Variants in CCDC126 observed in about 807,000 individuals in gnomAD.
The protein encoded by CCDC126 is coiled-coil domain-containing protein 126.
Under a neutral mutation model 11.7 loss-of-function variants are expected in CCDC126, and 5 were observed. The observed-to-expected ratio is 0.43, with a 90% CI of 0.22 to 0.90. CCDC126 has a LOEUF of 0.90. Among genes scored for constraint, CCDC126 ranks in the 40% least tolerant of loss-of-function variants. The probability of loss-of-function intolerance (pLI) is 0.27; values close to 1 mark genes in which losing one functional copy is unlikely to be tolerated. For missense variants in CCDC126, 150 were observed against 163.1 expected, an observed-to-expected ratio of 0.92 and a Z score of 0.44; for synonymous variants, 60 against 61.9, an observed-to-expected ratio of 0.97 and a Z score of 0.14.
chr7:23,599,291 G>A (rs1297463591), intron 2 of CCDC126, among the ~76,000 whole-genome samples: 1 of 152,038 alleles, frequency 6.6e-6, no homozygotes, highest in African/African-American at 2.4e-5. Flanking sequence ...TTATTTTCAT[G>A]ACTTCTCCTT....
At chr7:23,603,970 A>G (rs1169077186) in intron 2 of CCDC126, 1 of 152,228 alleles carries the variant, frequency 6.6e-6, no homozygotes, top group Non-Finnish European at 1.5e-5. Context: ...GGTATGAAGT[A>G]ACATGCTGTG....
At chr7:23,642,778 T>A (rs1434015217) in intron 3 of CCDC126, among the ~76,000 whole-genome samples, 153 bp from the exon 4 acceptor site, 1 of 151,044 alleles carries the variant, frequency 6.6e-6, no homozygotes, top group East Asian at 1.9e-4. Context: ...AAAAAAAAAA[T>A]TAGGCTTTTC....
rs1783426773 is a variant in CCDC126, at chr7:23,644,558, C to T, written c.*1443C>T. 1 of 152,508 alleles carries T rather than the reference C, an allele frequency of 6.6e-6. No homozygotes were observed. The highest frequency in any genetic ancestry group is 6.5e-5 in the Admixed American group (1 of 15,270). The allele number at this position is 152,508 out of a possible 1,614,324, so 9.4% of individuals were successfully genotyped here. ...GATTTCCAAATCTCTCTTCTCTTCT[C>T]TGTACTGTCTACCTTTATGTGAAGA... is the stretch of plus-strand genomic sequence containing the variant. On this transcript the variant is annotated 3_prime_UTR_variant, in exon 4 of 4. Transcript: ENST00000307471.
In CCDC126 at chr7:23,625,398, A is replaced by G. The variant is rs370667448; in HGVS notation, c.238+13845A>G. On this transcript the variant is annotated intron_variant, in intron 3 of 3. Coordinates refer to ENST00000307471, the MANE Select transcript of CCDC126 (RefSeq NM_138771.4). ...ATTGCCCTCCAGAATGGTTCTACCA[A>G]TTTACATTCTTACTATACCACTTTC... is the stretch of plus-strand genomic sequence containing the variant. Among the ~76,000 whole-genome samples, 243 of 152,292 alleles carry G rather than the reference A, an allele frequency of 1.6e-3. 2 individuals are homozygous for G. Among genetic ancestry groups the G allele is most frequent in the African/African-American group, 5.4e-3 (225 of 41,556 alleles).
chr7:23,626,459 A>T (rs1783017208), intron 3 of CCDC126, among the ~76,000 whole-genome samples: 1 of 152,072 alleles, frequency 6.6e-6, no homozygotes. Flanking sequence ...TATTTTTTCC[A>T]GTTGGTAAAA....
At chr7:23,626,587 C>T (rs752750105) in intron 3 of CCDC126, among the ~76,000 whole-genome samples, 15 of 151,922 alleles carry the variant, frequency 9.9e-5, no homozygotes, top group Non-Finnish European at 2.1e-4. Context: ...GTTCATTGTA[C>T]ATATTATTAT....
intron 3 of CCDC126, among the ~76,000 whole-genome samples, chr7:23,632,991 C>T (rs1476870803): frequency 6.6e-6 from 1 of 152,092 alleles, no homozygotes; most frequent in East Asian, 1.9e-4. Flanking sequence ...TCTAAACTGC[C>T]TTGCAGTCCT....
intron 3 of CCDC126, among the ~76,000 whole-genome samples, chr7:23,618,538 A>ATTT (rs5741645): frequency 8.4e-6 from 1 of 119,618 alleles, no homozygotes; most frequent in African/African-American, 3.1e-5. Context: ...GATCAGCTAA[A>ATTT]TTTTTTTTTT....
chr7:23,617,292 G>A (rs1782809414), intron 3 of CCDC126, among the ~76,000 whole-genome samples: 1 of 136,578 alleles, frequency 7.3e-6, no homozygotes, highest in Non-Finnish European at 1.5e-5. Context: ...AGGTTGCAGT[G>A]AGCCAAGATT....
At chr7:23,600,385 C>A (rs568807274) in intron 2 of CCDC126, among the ~76,000 whole-genome samples, 30 of 145,684 alleles carry the variant, frequency 2.1e-4, no homozygotes, top group East Asian at 1.0e-3. Flanking sequence ...CCCCCCCCCC[C>A]CCACCACCAT....
At chr7:23,632,504 C>G (rs1783132872) in intron 3 of CCDC126, among the ~76,000 whole-genome samples, 1 of 152,154 alleles carries the variant, frequency 6.6e-6, no homozygotes, top group African/African-American at 2.4e-5. Context: ...GTGGGTTTTA[C>G]TGTAAAAGGG....
chr7:23,639,173 G>A (rs1423269619), intron 3 of CCDC126, among the ~76,000 whole-genome samples: 1 of 150,668 alleles, frequency 6.6e-6, no homozygotes, highest in African/African-American at 2.4e-5. Context: ...CTCACAATTG[G>A]CTAACATTTT....
intron 2 of CCDC126, among the ~76,000 whole-genome samples, chr7:23,605,516 C>G (rs1782609369): frequency 1.3e-5 from 2 of 152,004 alleles, no homozygotes; most frequent in African/African-American, 4.8e-5. Flanking sequence ...TAAGTACGTT[C>G]ACATCATCAT....
intron 3 of CCDC126, among the ~76,000 whole-genome samples, chr7:23,639,659 C>G (rs1053144782): frequency 6.6e-6 from 1 of 152,088 alleles, no homozygotes; most frequent in African/African-American, 2.4e-5. Context: ...TTGAGGTGTT[C>G]ATGATGAATG....
At chr7:23,641,944 C>T (rs1029696564) in intron 3 of CCDC126, among the ~76,000 whole-genome samples, 31 of 152,158 alleles carry the variant, frequency 2.0e-4, no homozygotes, top group African/African-American at 7.2e-4. Flanking sequence ...TGGAGGTTCT[C>T]GATTTCTGTA....
intron 3 of CCDC126, among the ~76,000 whole-genome samples, chr7:23,629,314 C>G (rs998475489): frequency 1.3e-5 from 2 of 152,208 alleles, no homozygotes; most frequent in African/African-American, 4.8e-5. Context: ...TTCCACCCCT[C>G]TGCCATGTCA....
intron 3 of CCDC126, among the ~76,000 whole-genome samples, chr7:23,633,717 TG>T (rs1783155575): frequency 1.3e-5 from 2 of 152,060 alleles, no homozygotes; most frequent in Admixed American, 1.3e-4. Flanking sequence ...TAGCTGAGTG[TG>T]GTGGTGGGCA....
At chr7:23,633,081 TTCCTG>T (rs1783143997) in intron 3 of CCDC126, among the ~76,000 whole-genome samples, 1 of 152,042 alleles carries the variant, frequency 6.6e-6, no homozygotes, top group South Asian at 2.1e-4. Context: ...TAACCTCCAC[TTCCTG>T]AGTTCAAGCG....
At chr7:23,633,998 A>G (rs1305733301) in intron 3 of CCDC126, among the ~76,000 whole-genome samples, 1 of 152,258 alleles carries the variant, frequency 6.6e-6, no homozygotes, top group African/African-American at 2.4e-5. Flanking sequence ...TTCAATGTAT[A>G]TGAAACACTT....
Sources: gnomAD v4.1 joint callset for allele counts (sites outside exome capture counted in the v4.1 genomes callset) on GRCh38, gnomAD v4.1.1 for gene constraint, MANE v1.5 for transcripts, NCBI Gene and HGNC (gene_info 2026-07-23, HGNC 2026-07-21) for gene names.